The following ZNF678 variants were observed in gnomAD, a reference collection of about 807,000 sequenced individuals.
The protein encoded by ZNF678 is hypothetical protein MGC42493.
ZNF678 carries 5 observed loss-of-function variants against 3.0 expected under a neutral mutation model. The ratio of observed to expected loss-of-function variants is 1.69; its 90% confidence interval spans 0.88 to 3.56. The LOEUF (loss-of-function observed/expected upper bound fraction) is 3.56, where lower values mean the gene tolerates loss of function less well. Ranked by LOEUF, ZNF678 falls within the 30% of genes most tolerant of loss-of-function variation. The probability of loss-of-function intolerance (pLI) is 0.00; values close to 1 mark genes in which losing one functional copy is unlikely to be tolerated. For missense variants in ZNF678, 593 were observed against 605.0 expected, an observed-to-expected ratio of 0.98 and a Z score of 0.21; for synonymous variants, 218 against 199.6, an observed-to-expected ratio of 1.09 and a Z score of -0.78.
At chr1:227,645,786 C>T (rs758198964) in intron 1 of ZNF678, among the ~76,000 whole-genome samples, 2 of 152,138 alleles carry the variant, frequency 1.3e-5, no homozygotes, top group East Asian at 1.9e-4. Context: ...CATTTTTACA[C>T]GTGATACCAG....
At chr1:227,641,900 G>A (rs1035905960) in intron 1 of ZNF678, among the ~76,000 whole-genome samples, 6 of 152,204 alleles carry the variant, frequency 3.9e-5, no homozygotes, top group Admixed American at 1.3e-4. Context: ...TTGAGTAGGC[G>A]TTAAGACTCT....
chr1:227,597,974 T>G (rs927318116), intron 1 of ZNF678, among the ~76,000 whole-genome samples: 1 of 152,132 alleles, frequency 6.6e-6, no homozygotes, highest in African/African-American at 2.4e-5. Flanking sequence ...AATAAAAGTA[T>G]ACGAGGGGAA....
intron 1 of ZNF678, among the ~76,000 whole-genome samples, chr1:227,567,269 T>C (rs953132498): frequency 3.9e-5 from 6 of 152,256 alleles, no homozygotes; most frequent in African/African-American, 1.2e-4. Context: ...TCTTACAATT[T>C]TATTCCCTTT....
At chr1:227,579,513 A>T (rs1206139393) in intron 1 of ZNF678, among the ~76,000 whole-genome samples, 1 of 152,054 alleles carries the variant, frequency 6.6e-6, no homozygotes, top group Admixed American at 6.6e-5. Context: ...GTGGACAATT[A>T]AAGTAAAACC....
At chr1:227,571,144 A>G (rs1656830432) in intron 1 of ZNF678, among the ~76,000 whole-genome samples, 1 of 152,192 alleles carries the variant, frequency 6.6e-6, no homozygotes, top group African/African-American at 2.4e-5. Context: ...ATAAATAGTT[A>G]TTTGTAGTGT....
intron 2 of ZNF678, among the ~76,000 whole-genome samples, chr1:227,647,484 AG>A (rs1204317983): frequency 7.9e-5 from 12 of 152,194 alleles, no homozygotes; most frequent in Non-Finnish European, 5.9e-5. Flanking sequence ...TCACCTTTCC[AG>A]AGCAAAGAAA....
At chr1:227,621,769 C>T (rs1234125594) in intron 1 of ZNF678, among the ~76,000 whole-genome samples, 1 of 152,106 alleles carries the variant, frequency 6.6e-6, no homozygotes, top group African/African-American at 2.4e-5. Context: ...CCCAATGAAA[C>T]CTGAAAAACT....
chr1:227,636,128 C>CA (rs528106092), intron 1 of ZNF678, among the ~76,000 whole-genome samples: 59 of 152,080 alleles, frequency 3.9e-4, no homozygotes, highest in Non-Finnish European at 7.4e-4. Context: ...AGTGGGATAA[C>CA]ACACCGGAGA....
At position 227,661,820 on chromosome 1, in the gene ZNF678, A is replaced by T. The variant is rs1469262305; in HGVS notation, c.*5992A>T. The T allele has an allele frequency of 6.6e-6, 1 of 152,238 alleles. No individual in the cohort carries two copies. The highest frequency in any genetic ancestry group is 1.5e-5 in the Non-Finnish European group (1 of 68,096). 9.4% of individuals were successfully genotyped at this position (152,238 alleles called of 1,614,324 possible). On this transcript the variant is annotated 3_prime_UTR_variant, in exon 4 of 4. Coordinates refer to ENST00000343776, the MANE Select transcript of ZNF678 (RefSeq NM_001367909.1). ...GCCTAGGAAAATGGTGAAGGAAAAG[A>T]TGGTCCCAGCCTGCAAAGCTGAAGT... is the stretch of plus-strand genomic sequence containing the variant.
rs1419850070 is a variant in ZNF678 at position 227,646,611 on chromosome 1, C to G, written c.-96C>G. 5.1e-6 allele frequency: 7 copies of G among 1,372,346 alleles called. No homozygotes were observed. Among genetic ancestry groups the G allele is most frequent in the Non-Finnish European group, 6.8e-6 (7 of 1,024,762 alleles). 85.0% of individuals were successfully genotyped at this position (1,372,346 alleles called of 1,614,324 possible). ...GAGGAGTGGGCATGCCTGGACCCTGCCCAGCGAAATTTGTATAGGGATGTG... is the reference window on the plus strand; with the variant it reads ...GAGGAGTGGGCATGCCTGGACCCTGGCCAGCGAAATTTGTATAGGGATGTG... On this transcript the variant is annotated 5_prime_UTR_variant, in exon 2 of 4. Transcript: ENST00000343776.
chr1:227,664,418 C>T (rs1240865230), downstream of ZNF678, among the ~76,000 whole-genome samples: 2 of 152,082 alleles, frequency 1.3e-5, no homozygotes, highest in Non-Finnish European at 2.9e-5. Flanking sequence ...CTTGCTTTCC[C>T]CAACACACGG....
At position 227,659,249 on chromosome 1, in the gene ZNF678, A is replaced by G. The variant is rs1659335466; in HGVS notation, c.*3421A>G. On this transcript the variant is annotated 3_prime_UTR_variant, in exon 4 of 4. Coordinates refer to ENST00000343776, the MANE Select transcript of ZNF678 (RefSeq NM_001367909.1). ...TTGGGAAGTTTCTTACTCATATCAC[A>G]ATATGTTTTATTTAAATGGATGCAG... 6.6e-6 allele frequency: 1 copy of G among 152,104 alleles called. No individual in the cohort carries two copies. The highest frequency in any genetic ancestry group is 2.4e-5 in the African/African-American group (1 of 41,436). 9.4% of individuals were successfully genotyped at this position (152,104 alleles called of 1,614,324 possible). A position where few individuals can be genotyped will look rare whatever the true frequency, so the allele number is the denominator to read the frequency against.
intron 1 of ZNF678, among the ~76,000 whole-genome samples, chr1:227,595,678 A>G (rs1249445214): frequency 6.6e-6 from 1 of 152,196 alleles, no homozygotes; most frequent in African/African-American, 2.4e-5. Context: ...GCACACACAC[A>G]CTTTTGCAGT....
rs985765043 is a variant in ZNF678 at position 227,657,323 on chromosome 1, T to A, written c.*1495T>A. ...ATCAGAAGTTAAGCAGATGTTGATG[T>A]CATGCTTGTATAGCCAACAGAACTG... is the stretch of plus-strand genomic sequence containing the variant. On this transcript the variant is annotated 3_prime_UTR_variant, in exon 4 of 4. Transcript: ENST00000343776. 1.3e-5 allele frequency: 2 copies of A among 152,044 alleles called. No individual in the cohort carries two copies. Among genetic ancestry groups the A allele is most frequent in the Non-Finnish European group, 2.9e-5 (2 of 67,914 alleles). 9.4% of individuals were successfully genotyped at this position (152,044 alleles called of 1,614,324 possible).
intron 1 of ZNF678, among the ~76,000 whole-genome samples, chr1:227,585,069 A>G (rs1358587203): frequency 6.6e-6 from 1 of 152,234 alleles, no homozygotes; most frequent in Non-Finnish European, 1.5e-5. Context: ...CTTGCTTGAT[A>G]AAGAAGAGAC....
chr1:227,607,506 G>A (rs1417887626), intron 1 of ZNF678, among the ~76,000 whole-genome samples: 1 of 151,988 alleles, frequency 6.6e-6, no homozygotes, highest in Non-Finnish European at 1.5e-5. Flanking sequence ...GATAACACAG[G>A]AAATGTAACT....
chr1:227,593,134 T>A (rs1358528639), intron 1 of ZNF678, among the ~76,000 whole-genome samples: 1 of 152,348 alleles, frequency 6.6e-6, no homozygotes, highest in African/African-American at 2.4e-5. Flanking sequence ...TACTCCAGGC[T>A]GTAGAATCCT....
chr1:227,662,775 C>T (rs549379342), downstream of ZNF678, among the ~76,000 whole-genome samples: 23 of 152,308 alleles, frequency 1.5e-4, 1 homozygote, highest in African/African-American at 5.3e-4. Flanking sequence ...GGACACTATA[C>T]TTGCCACAGC....
chr1:227,589,775 C>T (rs548382965), intron 1 of ZNF678, among the ~76,000 whole-genome samples: 8 of 151,854 alleles, frequency 5.3e-5, no homozygotes, highest in African/African-American at 1.5e-4. Context: ...GGTCAGGGGT[C>T]GATCTTTAAC....
Sources: allele counts gnomAD v4.1 joint callset (sites outside exome capture counted in the v4.1 genomes callset), GRCh38; gene constraint gnomAD v4.1.1; transcripts MANE v1.5; gene names NCBI Gene and HGNC (gene_info 2026-07-23, HGNC 2026-07-21).